Variants in GLB1L observed in about 807,000 individuals in gnomAD.
The protein encoded by GLB1L is beta-galactosidase-1-like protein.
GLB1L carries 58 observed loss-of-function variants against 75.7 expected under a neutral mutation model. The ratio of observed to expected loss-of-function variants is 0.77; its 90% CI spans 0.62 to 0.95. The LOEUF (loss-of-function observed/expected upper bound fraction) is 0.95, where lower values mean the gene tolerates loss of function less well. Among genes scored for constraint, GLB1L ranks in the 40% least tolerant of loss-of-function variants. GLB1L has a pLI of 0.00. For synonymous variants in GLB1L, 296 were observed against 303.0 expected (o/e 0.98, Z 0.24); for missense variants, 797 against 805.5 (o/e 0.99, Z 0.13).
At position 219,243,226 on chromosome 2, in the gene GLB1L, T is replaced by C; in HGVS notation, c.161A>G (p.His54Arg). ...AAGCACCCGCGGTACCCGAAAGTAG[T>C]GCAGGCTGCCAGACACATAGCGGAA... ...APFRYVSGSL[H>R]YFRVPRVLWA... The change falls in exon 3 of 17, where the codon CAC becomes CGC. Residue 54 changes from histidine to arginine, a missense_variant. Transcript: ENST00000295759. 3 of 1,614,158 alleles carry C rather than the reference T, an allele frequency of 1.9e-6. No individual in the cohort carries two copies. Among genetic ancestry groups the C allele is most frequent in the Non-Finnish European group, 2.5e-6 (3 of 1,180,004 alleles).
rs761071051 is a variant in GLB1L at position 219,237,316 on chromosome 2, C to T, written c.1721G>A (p.Gly574Asp). Reference protein sequence around the residue: ...GQVWINGFNLGRYWTKQGPQQ... With the variant: ...GQVWINGFNLDRYWTKQGPQQ... ...TGGCCCCTGCTTTGTCCAGTACCGGCCCAAGTTAAACCCATTGATCCAGAC... is the reference window on the plus strand; with the variant it reads ...TGGCCCCTGCTTTGTCCAGTACCGGTCCAAGTTAAACCCATTGATCCAGAC... Residue 574 changes from glycine to aspartate, a missense_variant, in exon 17 of 17, where the codon GGC becomes GAC. Physicochemically the swap from Gly to Asp is moderately conservative, Grantham distance 94. Transcript: ENST00000295759. 3.7e-6 allele frequency: 6 copies of T among 1,613,922 alleles called. No individual in the cohort carries two copies. Among genetic ancestry groups the T allele is most frequent in the Non-Finnish European group, 5.1e-6 (6 of 1,179,964 alleles).
chr2:219,243,390 G>A, intron 2 of GLB1L, 76 bp from the exon 3 acceptor site: 1 of 1,588,694 alleles, frequency 6.3e-7, no homozygotes, highest in Non-Finnish European at 8.6e-7. Context: ...AAGAGCGGAA[G>A]AGATGGAACT....
chr2:219,243,265 A>G lies in GLB1L; in HGVS notation c.122T>C (p.Leu41Pro). Residue 41 changes from leucine to proline, a missense_variant, in exon 3 of 17, where the codon CTA becomes CCA. Leu to Pro is a moderately conservative substitution (Grantham distance 98). Transcript: ENST00000295759. Reference sequence around the variant, plus strand: ...CACATAGCGGAACGGGGCCCCGTCTAGGAGAAACCGGTCATGACCCCTATC... The same window carrying G: ...CACATAGCGGAACGGGGCCCCGTCTGGGAGAAACCGGTCATGACCCCTATC... ...VVDRGHDRFL[L>P]DGAPFRYVSG... 1 of 1,613,468 alleles carries G rather than the reference A, an allele frequency of 6.2e-7. No homozygotes were observed. The highest frequency in any genetic ancestry group is 1.7e-4 in the Middle Eastern group (1 of 6,060).
intron 5 of GLB1L, among the ~76,000 whole-genome samples, chr2:219,241,859 G>A (rs1453575371): frequency 6.6e-6 from 1 of 152,086 alleles, no homozygotes; most frequent in African/African-American, 2.4e-5. Flanking sequence ...GGGGGAGAGG[G>A]CAAACAAGGG....
intron 2 of GLB1L, 23 bp from the exon 3 acceptor site, chr2:219,243,337 C>T: frequency 6.3e-7 from 1 of 1,589,858 alleles, no homozygotes; most frequent in East Asian, 2.3e-5. Context: ...AGAGACGCTG[C>T]TCAGCAGACG....
In GLB1L at chr2:219,242,798, T is replaced by C. The variant is rs772102878; in HGVS notation, c.360A>G (p.Pro120=). The C allele has an allele frequency of 1.2e-5, 20 of 1,614,210 alleles. No homozygotes were observed. In the South Asian group the frequency reaches 1.6e-4, roughly 13 times the overall value. ...ALANLLVILR[P]GPYICAEWEM... ...CCCACTCTGCACAGATGTAAGGTCC[T>C]GGTCTCAGTATGACCAACAGGTTCG... The change falls in exon 4 of 17, where the codon CCA becomes CCG. Residue 120 remains proline (P), a synonymous_variant. Coordinates refer to ENST00000295759, the MANE Select transcript of GLB1L (RefSeq NM_001286423.2).
rs145811550 is a variant in GLB1L at position 219,243,253 on chromosome 2, G to A, written c.134C>T (p.Pro45Leu). Residue 45 changes from proline to leucine, a missense_variant, in exon 3 of 17, where the codon CCG becomes CTG. Pro to Leu is a moderately conservative substitution (Grantham distance 98). Transcript: ENST00000295759. ...CAGGCTGCCAGACACATAGCGGAACGGGGCCCCGTCTAGGAGAAACCGGTC... is the reference window on the plus strand; with the variant it reads ...CAGGCTGCCAGACACATAGCGGAACAGGGCCCCGTCTAGGAGAAACCGGTC... ...GHDRFLLDGA[P>L]FRYVSGSLHY... 2.6e-3 allele frequency: 4,236 copies of A among 1,613,924 alleles called. 9 individuals are homozygous for A. The highest frequency in any genetic ancestry group is 4.2e-3 in the South Asian group (386 of 91,052).
Position 219,240,206 on chromosome 2 carries a change from G to A in GLB1L, c.531C>T (p.Asn177=), listed in dbSNP as rs1323017765. The part of the protein sequence containing the change: ...IYPWLYHNGG[N]IISIQVENEY... The stretch of plus-strand genomic sequence containing the variant: ...CCCCTTGTACCTGAATGCTAATGAT[G>A]TTGCCCCCATTGTGATAAAGCCATG... The change falls in exon 6 of 17, where the codon AAC becomes AAT. Residue 177 remains asparagine, a synonymous_variant. Transcript: ENST00000295759. 1 of 1,614,128 alleles carries A rather than the reference G, an allele frequency of 6.2e-7. No homozygotes were observed. The highest frequency in any genetic ancestry group is 8.5e-7 in the Non-Finnish European group (1 of 1,179,964).
Position 219,239,108 on chromosome 2 carries a change from C to A in GLB1L, c.1046G>T (p.Arg349Leu), listed in dbSNP as rs755869238. The change falls in exon 11 of 17, where the codon CGA becomes CTA. Residue 349 changes from arginine to leucine, a missense_variant. Coordinates refer to ENST00000295759, the MANE Select transcript of GLB1L (RefSeq NM_001286423.2). ...GDPTPKLFAL[R>L]DVISKFQEVP... Reference sequence around the variant, plus strand: ...GTAGGGTACCTTGCTGATGACATCTCGAAGAGCAAAAAGCTTAGGTGTGGG... The same window carrying A: ...GTAGGGTACCTTGCTGATGACATCTAGAAGAGCAAAAAGCTTAGGTGTGGG... 1.2e-6 allele frequency: 2 copies of A among 1,610,520 alleles called. No individual in the cohort carries two copies. Among genetic ancestry groups the A allele is most frequent in the Non-Finnish European group, 1.7e-6 (2 of 1,177,020 alleles).
intron 5 of GLB1L, among the ~76,000 whole-genome samples, chr2:219,242,236 G>A (rs1043096627): frequency 6.6e-6 from 1 of 151,566 alleles, no homozygotes; most frequent in East Asian, 1.9e-4. Flanking sequence ...TCATGCACCC[G>A]CCTGGGCCTC....
At chr2:219,242,711 A>G in intron 4 of GLB1L, 57 bp downstream of exon 4, 1 of 1,594,564 alleles carries the variant, frequency 6.3e-7, no homozygotes, top group South Asian at 1.1e-5. Flanking sequence ...GGCAGATGGG[A>G]GTAGTCTAGG....
chr2:219,243,967 C>T (rs1298392944), intron 1 of GLB1L: 1 of 135,748 alleles, frequency 7.4e-6, no homozygotes, highest in Non-Finnish European at 1.5e-5. Context: ...ATTAGCCGGG[C>T]CTGGTGGCAC....
Position 219,242,589 on chromosome 2 carries a change from A to T in GLB1L, c.391-15T>A. 1 of 1,610,298 alleles carries T rather than the reference A, an allele frequency of 6.2e-7. No homozygotes were observed. On this transcript the variant is annotated splice_polypyrimidine_tract_variant and intron_variant, in intron 4 of 16. Coordinates refer to ENST00000295759, the MANE Select transcript of GLB1L (RefSeq NM_001286423.2). ...GGGAGACCCCCCTGAGACAAACATA[A>T]AGAGAACAAAGAAGCATGTAGGTTT...
At chr2:219,241,018 T>A (rs1574866838) in intron 5 of GLB1L, among the ~76,000 whole-genome samples, 2 of 150,994 alleles carry the variant, frequency 1.3e-5, no homozygotes, top group African/African-American at 4.9e-5. Context: ...CAATCGGAGG[T>A]TGCAGTGAGC....
chr2:219,239,759 C>T lies in GLB1L; in HGVS notation c.780+16G>A. The T allele has an allele frequency of 6.2e-7, 1 of 1,614,162 alleles. No individual in the cohort carries two copies. The highest frequency in any genetic ancestry group is 8.5e-7 in the Non-Finnish European group (1 of 1,180,022). ...ATTCCTATCCCTGATTCCCTGACTCCTCTCTGGCCCCTCACCAATGGCCCA... is the reference window on the plus strand; with the variant it reads ...ATTCCTATCCCTGATTCCCTGACTCTTCTCTGGCCCCTCACCAATGGCCCA... On this transcript the variant is annotated intron_variant, in intron 8 of 16. Coordinates refer to ENST00000295759, the MANE Select transcript of GLB1L (RefSeq NM_001286423.2).
chr2:219,241,658 A>G (rs1240248025), intron 5 of GLB1L, among the ~76,000 whole-genome samples: 1 of 151,594 alleles, frequency 6.6e-6, no homozygotes, highest in Non-Finnish European at 1.5e-5. Flanking sequence ...GAGAAGAGCA[A>G]TAATGTCGAG....
chr2:219,243,197 C>T lies in GLB1L; in HGVS notation c.190G>A (p.Ala64Thr), dbSNP rs747707530. Residue 64 changes from alanine (A) to threonine (T), a missense_variant, in exon 3 of 17, where the codon GCC (alanine) becomes ACC (threonine). Physicochemically the swap from Ala to Thr is moderately conservative, Grantham distance 58 (BLOSUM62 0). Transcript: ENST00000295759. ...HYFRVPRVLWADRLLKMRWSG... is the reference protein window; with the variant it reads ...HYFRVPRVLWTDRLLKMRWSG... ...CATCGCATCTTCAAAAGCCGGTCGG[C>T]CCAAAGCACCCGCGGTACCCGAAAG... is the stretch of plus-strand genomic sequence containing the variant. 2.2e-5 allele frequency: 35 copies of T among 1,613,998 alleles called. No homozygotes were observed. Among genetic ancestry groups the T allele is most frequent in the East Asian group, 2.0e-4 (9 of 44,882 alleles).
intron 5 of GLB1L, among the ~76,000 whole-genome samples, chr2:219,241,442 G>GTGTATATATATA (rs1382897637): frequency 2.4e-5 from 2 of 82,890 alleles, no homozygotes; most frequent in Non-Finnish European, 4.5e-5. Context: ...GTGTGTGTGT[G>GTGTATATATATA]TATATATATA....
Position 219,237,832 on chromosome 2 carries a change from G to T in GLB1L, c.1467C>A (p.Asp489Glu). ...CTAGGCAAAGCTAGCTCACCTTGAA[G>T]TCACTGCTGTTAGACCCAAAGCTGA... ...GRLSFGSNSS[D>E]FKGLLKPPIL... The change falls in exon 15 of 17, where the codon GAC (aspartate) becomes GAA (glutamate). Residue 489 changes from aspartate (D) to glutamate (E), a missense_variant. Asp to Glu is a conservative substitution (Grantham distance 45). Transcript: ENST00000295759. The T allele has an allele frequency of 6.2e-7, 1 of 1,614,146 alleles. No individual in the cohort carries two copies. The highest frequency in any genetic ancestry group is 8.5e-7 in the Non-Finnish European group (1 of 1,179,996).
Sources: allele counts gnomAD v4.1 joint callset (sites outside exome capture counted in the v4.1 genomes callset), GRCh38; gene constraint gnomAD v4.1.1; transcripts MANE v1.5; gene names NCBI Gene and HGNC (gene_info 2026-07-23, HGNC 2026-07-21).